FRMD4B: variants seen among roughly 807,000 people sequenced by gnomAD.
The protein encoded by FRMD4B is FERM domain containing 4B, also known as FERM domain-containing protein 4B.
FRMD4B carries 74 observed loss-of-function variants against 141.5 expected under a neutral mutation model. That is an observed-to-expected ratio of 0.52 (90% CI 0.43 to 0.63). The LOEUF is 0.63. Ranked by LOEUF, FRMD4B falls within the 30% of genes least tolerant of loss-of-function variation. The pLI is 0.00. For missense variants in FRMD4B, 1,366 were observed against 1,253.4 expected (o/e 1.09, Z -1.36); for synonymous variants, 506 against 467.9 (o/e 1.08, Z -1.05).
At chr3:69,422,221 G>C (rs897672638) in intron 2 of FRMD4B, among the ~76,000 whole-genome samples, 1 of 151,838 alleles carries the variant, frequency 6.6e-6, no homozygotes, top group Non-Finnish European at 1.5e-5. Context: ...GTGAAACCCC[G>C]TCTCCACTAA....
chr3:69,391,899 C>A (rs1316851214), intron 2 of FRMD4B, among the ~76,000 whole-genome samples: 2 of 152,176 alleles, frequency 1.3e-5, no homozygotes, highest in Non-Finnish European at 2.9e-5. Flanking sequence ...ACAGAAAGCA[C>A]CTCCATACAT....
intron 1 of FRMD4B, chr3:69,535,954 C>G (rs1351694524): frequency 2.6e-6 from 1 of 392,154 alleles, no homozygotes; most frequent in Non-Finnish European, 5.1e-6. Context: ...TGGTCCCCAG[C>G]ATCTCCTTGG....
intron 5 of FRMD4B, among the ~76,000 whole-genome samples, chr3:69,273,921 A>G (rs78832570): frequency 6.8e-5 from 6 of 88,182 alleles, no homozygotes; most frequent in African/African-American, 1.8e-4. Context: ...GTAGACAAGG[A>G]AAAAAAAAAA....
chr3:69,245,746 C>T (rs1459497094), intron 7 of FRMD4B, among the ~76,000 whole-genome samples: 1 of 150,610 alleles, frequency 6.6e-6, no homozygotes, highest in East Asian at 2.0e-4. Flanking sequence ...TCACTGCAAC[C>T]TCCACCTCCT....
At chr3:69,383,626 T>C (rs1255084730) in intron 1 of FRMD4B, among the ~76,000 whole-genome samples, 1 of 152,206 alleles carries the variant, frequency 6.6e-6, no homozygotes, top group Admixed American at 6.5e-5. Context: ...GTGGGACAAT[T>C]ATGGCTCACT....
In FRMD4B at chr3:69,181,564, C is replaced by A; in HGVS notation, c.2186G>T (p.Gly729Val). 6 of 1,613,758 alleles carry A rather than the reference C, an allele frequency of 3.7e-6. No homozygotes were observed. Among genetic ancestry groups the A allele is most frequent in the Non-Finnish European group, 5.1e-6 (6 of 1,179,840 alleles). The change falls in exon 21 of 23, where the codon GGG (glycine) becomes GTG (valine). Residue 729 changes from glycine (G) to valine (V), a missense_variant. Coordinates refer to ENST00000398540, the MANE Select transcript of FRMD4B (RefSeq NM_015123.3). The stretch of plus-strand genomic sequence containing the variant: ...GCTTGATTGGCTTGTATAAGAAGAC[C>A]CGTCATCGAGGATTTCTGTGCTGCT... Reference protein sequence around the residue: ...RSSSTEILDDGSSYTSQSSTE... With the variant: ...RSSSTEILDDVSSYTSQSSTE...
intron 5 of FRMD4B, among the ~76,000 whole-genome samples, chr3:69,279,326 G>A (rs978060073): frequency 2.0e-5 from 3 of 152,246 alleles, no homozygotes; most frequent in South Asian, 4.1e-4. Flanking sequence ...ATTCAAGCTT[G>A]GCCAAATTGT....
chr3:69,488,976 A>G (rs1469723222), intron 1 of FRMD4B, among the ~76,000 whole-genome samples: 3 of 151,144 alleles, frequency 2.0e-5, no homozygotes, highest in Non-Finnish European at 4.4e-5. Context: ...ACCTCGGGTT[A>G]GGCAACAATT....
intron 21 of FRMD4B, 44 bp from the exon 22 acceptor site, chr3:69,176,700 A>G: frequency 7.1e-7 from 1 of 1,412,798 alleles, no homozygotes; most frequent in Non-Finnish European, 9.9e-7. Flanking sequence ...GGAAATATTA[A>G]AAGTGAAAAA....
chr3:69,320,711 T>C (rs2107278430), intron 1 of FRMD4B, among the ~76,000 whole-genome samples: 1 of 152,330 alleles, frequency 6.6e-6, no homozygotes, highest in East Asian at 1.9e-4. Flanking sequence ...CCCTACCTAG[T>C]GGCAGCTAAT....
chr3:69,349,789 G>A (rs1374623887), intron 1 of FRMD4B, among the ~76,000 whole-genome samples: 1 of 152,164 alleles, frequency 6.6e-6, no homozygotes, highest in African/African-American at 2.4e-5. Flanking sequence ...AGCTGAAATT[G>A]GATCCCTTCC....
At chr3:69,391,803 G>A (rs1387411498) in intron 2 of FRMD4B, among the ~76,000 whole-genome samples, 1 of 152,176 alleles carries the variant, frequency 6.6e-6, no homozygotes, top group African/African-American at 2.4e-5. Context: ...CCTTGTGCAG[G>A]AGTATCCCAT....
chr3:69,528,272 AC>A (rs1700959339), intron 1 of FRMD4B, among the ~76,000 whole-genome samples: 1 of 118,492 alleles, frequency 8.4e-6, no homozygotes, highest in Non-Finnish European at 1.8e-5. Context: ...CTTCCTTCCT[AC>A]CTTCCTTCCT....
At chr3:69,397,865 T>C (rs1704498251) in intron 2 of FRMD4B, among the ~76,000 whole-genome samples, 1 of 152,148 alleles carries the variant, frequency 6.6e-6, no homozygotes, top group African/African-American at 2.4e-5. Context: ...GTGAACTATA[T>C]GGCATGTGAA....
At chr3:69,541,420 G>C (rs1701182072) in intron 1 of FRMD4B, 1 of 152,256 alleles carries the variant, frequency 6.6e-6, no homozygotes, top group Non-Finnish European at 1.5e-5. Flanking sequence ...ACACAAAGGA[G>C]AGCGAGAGAG....
intron 1 of FRMD4B, among the ~76,000 whole-genome samples, chr3:69,320,141 A>G (rs1701947575): frequency 6.6e-6 from 1 of 152,234 alleles, no homozygotes; most frequent in African/African-American, 2.4e-5. Flanking sequence ...CTCCCAGGCT[A>G]CAGCGTAAGT....
At chr3:69,532,730 C>T (rs1284358778) in intron 1 of FRMD4B, among the ~76,000 whole-genome samples, 2 of 152,220 alleles carry the variant, frequency 1.3e-5, no homozygotes, top group Non-Finnish European at 2.9e-5. Context: ...ATTCTGGTCA[C>T]ATATGAGCCT....
rs757615079 is a variant in FRMD4B, at chr3:69,303,497, G to A, written c.324-1062C>T. ...GCATGTATATATTACAAATATCTGAGAGAAAAAACAAAAAACTGATAACAC... is the reference window on the plus strand; with the variant it reads ...GCATGTATATATTACAAATATCTGAAAGAAAAAACAAAAAACTGATAACAC... On this transcript the variant is annotated intron_variant, in intron 3 of 22. Transcript: ENST00000398540. Among the ~76,000 whole-genome samples, 24 of 152,026 alleles carry A rather than the reference G, an allele frequency of 1.6e-4. 1 individual carries two copies. The highest frequency in any genetic ancestry group is 2.6e-4 in the Admixed American group (4 of 15,256).
At chr3:69,496,426 C>T (rs1388158610) in intron 1 of FRMD4B, among the ~76,000 whole-genome samples, 1 of 151,970 alleles carries the variant, frequency 6.6e-6, no homozygotes, top group Admixed American at 6.6e-5. Context: ...TAAAGATGGG[C>T]GAGTGACCCA....
Sources: allele counts gnomAD v4.1 joint callset (sites outside exome capture counted in the v4.1 genomes callset), GRCh38; gene constraint gnomAD v4.1.1; transcripts MANE v1.5; gene names NCBI Gene and HGNC (gene_info 2026-07-23, HGNC 2026-07-21).